Variants in SERINC5 observed in about 807,000 individuals in gnomAD.
The protein encoded by SERINC5 is serine incorporator 5, also known as chromosome 5 open reading frame 12.
Under a neutral mutation model 63.1 loss-of-function variants are expected in SERINC5, and 41 were observed. The ratio of observed to expected loss-of-function variants is 0.65; its 90% confidence interval spans 0.51 to 0.84. The LOEUF (loss-of-function observed/expected upper bound fraction) is 0.84, where lower values mean the gene tolerates loss of function less well. Among genes scored for constraint, SERINC5 ranks in the 40% least tolerant of loss-of-function variants. SERINC5 has a pLI of 0.00. For missense variants in SERINC5, 523 were observed against 573.0 expected, an observed-to-expected ratio of 0.91 and a Z score of 0.89; for synonymous variants, 222 against 215.2, an observed-to-expected ratio of 1.03 and a Z score of -0.28.
intron 2 of SERINC5, among the ~76,000 whole-genome samples, chr5:80,197,477 T>C (rs910765384): frequency 1.3e-5 from 2 of 151,204 alleles, no homozygotes; most frequent in Non-Finnish European, 3.0e-5. Flanking sequence ...GCTGGGGAGC[T>C]TGAGGGGAAG....
Position 80,204,110 on chromosome 5 carries a change from ACCT to A in SERINC5, c.28-1060_28-1058del, listed in dbSNP as rs1750031810. 2.0e-5 allele frequency among the ~76,000 whole-genome samples: 3 copies of A among 152,128 alleles called. No homozygotes were observed. In the South Asian group the frequency reaches 6.2e-4, roughly 32 times the overall value. On this transcript the variant is annotated intron_variant, in intron 1 of 11. Coordinates refer to ENST00000507668, the MANE Select transcript of SERINC5 (RefSeq NM_001174072.3). ...GACCCTTCCGGACAGTGCCCTGTGT[ACCT>A]CTTCATCTGGCTGTTCATTTGTCTC...
chr5:80,187,102 G>A (rs1250339516), intron 2 of SERINC5, among the ~76,000 whole-genome samples: 1 of 151,938 alleles, frequency 6.6e-6, no homozygotes, highest in African/African-American at 2.4e-5. Context: ...GGAAGAAGAG[G>A]TTGCAGTGAG....
chr5:80,226,648 A>G (rs1297885748), intron 1 of SERINC5, among the ~76,000 whole-genome samples: 1 of 152,196 alleles, frequency 6.6e-6, no homozygotes, highest in African/African-American at 2.4e-5. Flanking sequence ...GCGAGAACAC[A>G]GCACAGCCTT....
chr5:80,158,906 G>A lies in SERINC5; in HGVS notation c.916C>T (p.Leu306=), dbSNP rs754969613. The change falls in exon 8 of 12, where the codon CTG becomes TTG. Residue 306 remains leucine (L), a synonymous_variant. Transcript: ENST00000507668. ...TICVPDFGQD[L]YRDENLVTIL... ...GTCACCAAGTTTTCATCTCTGTACA[G>A]GTCTTGACCAAAGTCAGGCACACAG... 2.5e-6 allele frequency: 4 copies of A among 1,613,478 alleles called. No individual in the cohort carries two copies. In the East Asian group the frequency reaches 8.9e-5, roughly 36 times the overall value.
At position 80,139,190 on chromosome 5, in the gene SERINC5, T is replaced by A; in HGVS notation, c.*4473A>T. ...AATCGTTTCAGAAAAGTTTAAAAAA[T>A]TAGCAAAGTTATATCTATAAAACTT... On this transcript the variant is annotated 3_prime_UTR_variant, in exon 12 of 12. Coordinates refer to ENST00000507668, the MANE Select transcript of SERINC5 (RefSeq NM_001174072.3). 1.0e-6 allele frequency: 1 copy of A among 982,406 alleles called. No homozygotes were observed. The highest frequency in any genetic ancestry group is 4.7e-5 in the South Asian group (1 of 21,226). 60.9% of individuals were successfully genotyped at this position (982,406 alleles called of 1,614,324 possible).
intron 11 of SERINC5, among the ~76,000 whole-genome samples, chr5:80,144,164 C>T (rs762021128): frequency 3.9e-5 from 6 of 152,218 alleles, no homozygotes; most frequent in African/African-American, 1.4e-4. Context: ...GGCTCAGCCA[C>T]GCGGCAGCAT....
chr5:80,219,325 T>C (rs538466610), intron 1 of SERINC5, among the ~76,000 whole-genome samples: 1 of 152,372 alleles, frequency 6.6e-6, no homozygotes, highest in Admixed American at 6.5e-5. Context: ...ACTGTTTTCC[T>C]ACAGCTGAGA....
intron 1 of SERINC5, among the ~76,000 whole-genome samples, chr5:80,213,039 G>GT (rs1341821117): frequency 1.3e-5 from 2 of 152,124 alleles, no homozygotes; most frequent in Non-Finnish European, 2.9e-5. Context: ...AAGGTCAGGA[G>GT]TTTGAGACCA....
intron 7 of SERINC5, among the ~76,000 whole-genome samples, chr5:80,159,766 C>T (rs922537386): frequency 1.3e-5 from 2 of 152,004 alleles, no homozygotes; most frequent in African/African-American, 4.8e-5. Context: ...CCATAAAAGG[C>T]CCAAAAGGAC....
At chr5:80,192,505 G>A (rs1749250075) in intron 2 of SERINC5, among the ~76,000 whole-genome samples, 1 of 151,992 alleles carries the variant, frequency 6.6e-6, no homozygotes. Context: ...CAGATGGGGT[G>A]GGAAGGAATG....
chr5:80,224,596 G>C (rs1451644882), intron 1 of SERINC5, among the ~76,000 whole-genome samples: 5 of 152,124 alleles, frequency 3.3e-5, no homozygotes, highest in Non-Finnish European at 7.3e-5. Flanking sequence ...AATAGTAACA[G>C]AAGCAACAGC....
At chr5:80,133,999 G>A (rs528391271), downstream of SERINC5, among the ~76,000 whole-genome samples, 1 of 152,324 alleles carries the variant, frequency 6.6e-6, no homozygotes, top group South Asian at 2.1e-4. Flanking sequence ...ATCGAGTGCA[G>A]GGTCTCCAAA....
intron 1 of SERINC5, among the ~76,000 whole-genome samples, chr5:80,208,576 C>T (rs1372434778): frequency 1.3e-5 from 2 of 152,050 alleles, no homozygotes; most frequent in Non-Finnish European, 2.9e-5. Context: ...TACTCAATTT[C>T]CCACGCAAGC....
chr5:80,163,319 C>A (rs1747063977), intron 7 of SERINC5, among the ~76,000 whole-genome samples: 1 of 152,076 alleles, frequency 6.6e-6, no homozygotes, highest in South Asian at 2.1e-4. Context: ...ATTTGGATAC[C>A]TTTTATTTCT....
At chr5:80,162,299 G>A (rs1387441514) in intron 7 of SERINC5, among the ~76,000 whole-genome samples, 1 of 152,150 alleles carries the variant, frequency 6.6e-6, no homozygotes, top group South Asian at 2.1e-4. Flanking sequence ...ACTGCTTTAG[G>A]CAATATGGTC....
At chr5:80,166,280 C>T (rs1747295229) in intron 7 of SERINC5, 103 bp downstream of exon 7, 4 of 802,278 alleles carry the variant, frequency 5.0e-6, no homozygotes, top group Admixed American at 4.7e-5. Flanking sequence ...CATCTTTCTG[C>T]TCTCTATCTC....
intron 1 of SERINC5, among the ~76,000 whole-genome samples, chr5:80,250,394 T>C (rs776925382): frequency 6.6e-6 from 1 of 152,210 alleles, no homozygotes; most frequent in Admixed American, 6.5e-5. Flanking sequence ...CAAGCTGGAG[T>C]GAAGTGCCAT....
At chr5:80,120,619 G>C (rs1425199201) in intron 11 of SERINC5, among the ~76,000 whole-genome samples, 1 of 152,060 alleles carries the variant, frequency 6.6e-6, no homozygotes, top group East Asian at 1.9e-4. Flanking sequence ...TTTGAGACCA[G>C]CCTGGCCAAC....
At chr5:80,229,872 T>C (rs1751360809) in intron 1 of SERINC5, among the ~76,000 whole-genome samples, 1 of 152,184 alleles carries the variant, frequency 6.6e-6, no homozygotes, top group African/African-American at 2.4e-5. Flanking sequence ...ATCATAGGAT[T>C]ATTAGGACTG....
Sources: allele counts gnomAD v4.1 joint callset (sites outside exome capture counted in the v4.1 genomes callset), GRCh38; gene constraint gnomAD v4.1.1; transcripts MANE v1.5; gene names NCBI Gene and HGNC (gene_info 2026-07-23, HGNC 2026-07-21).